Variants in NR6A1 observed in about 807,000 individuals in gnomAD.
NR6A1 encodes the protein retinoic acid receptor-related testis-associated receptor.
NR6A1 carries 7 observed loss-of-function variants against 59.1 expected under a neutral mutation model. That is an observed-to-expected ratio of 0.12 (90% CI 0.07 to 0.22). The LOEUF is 0.22. Ranked by LOEUF, NR6A1 falls within the 10% of genes least tolerant of loss-of-function variation. NR6A1 has a pLI of 1.00. For synonymous variants in NR6A1, 243 were observed against 236.1 expected, an observed-to-expected ratio of 1.03 and a Z score of -0.27; for missense variants, 468 against 611.6, an observed-to-expected ratio of 0.77 and a Z score of 2.48.
At chr9:124,664,775 T>C (rs1049103617) in intron 2 of NR6A1, among the ~76,000 whole-genome samples, 4 of 151,934 alleles carry the variant, frequency 2.6e-5, no homozygotes, top group Admixed American at 2.0e-4. Flanking sequence ...CTAATATGTA[T>C]CATGTACAGT....
intron 2 of NR6A1, among the ~76,000 whole-genome samples, chr9:124,679,712 A>C (rs1021116806): frequency 2.0e-5 from 3 of 151,944 alleles, no homozygotes; most frequent in Non-Finnish European, 2.9e-5. Context: ...CAACATGGTA[A>C]AACCCCATCT....
intron 2 of NR6A1, among the ~76,000 whole-genome samples, chr9:124,682,554 A>G (rs1289479503): frequency 6.6e-6 from 1 of 152,186 alleles, no homozygotes; most frequent in Non-Finnish European, 1.5e-5. Flanking sequence ...CTTCTCACCA[A>G]TTTTTAAAAA....
chr9:124,671,656 AAAATAT>A (rs1335490866), intron 2 of NR6A1, among the ~76,000 whole-genome samples: 4 of 152,228 alleles, frequency 2.6e-5, no homozygotes, highest in African/African-American at 7.2e-5. Context: ...AATACACAGG[AAAATAT>A]AAATATAAAG....
intron 2 of NR6A1, among the ~76,000 whole-genome samples, chr9:124,661,739 T>C (rs911484435): frequency 3.3e-5 from 5 of 152,208 alleles, no homozygotes; most frequent in African/African-American, 1.2e-4. Flanking sequence ...CCAAAGTGCG[T>C]TGTCCAATAC....
intron 2 of NR6A1, among the ~76,000 whole-genome samples, chr9:124,616,387 A>G (rs905333250): frequency 2.0e-5 from 3 of 147,716 alleles, no homozygotes; most frequent in Admixed American, 6.7e-5. Flanking sequence ...TGGGCGACAA[A>G]GCGGGACTCC....
intron 2 of NR6A1, among the ~76,000 whole-genome samples, chr9:124,579,593 TA>T (rs199894018): frequency 9.9e-4 from 147 of 148,646 alleles, no homozygotes; most frequent in African/African-American, 3.2e-3. Context: ...TGGCTAAAAT[TA>T]AAAAAAAAAT....
chr9:124,635,911 G>T (rs1172466213), intron 2 of NR6A1, among the ~76,000 whole-genome samples: 1 of 152,216 alleles, frequency 6.6e-6, no homozygotes, highest in African/African-American at 2.4e-5. Flanking sequence ...TATGGTAAGA[G>T]TATGTTTAAT....
intron 2 of NR6A1, among the ~76,000 whole-genome samples, chr9:124,721,297 TA>T (rs1454884374): frequency 1.3e-5 from 2 of 152,124 alleles, no homozygotes; most frequent in East Asian, 1.9e-4. Context: ...TAAACTCAAA[TA>T]GGGGCAGAGG....
At chr9:124,762,453 A>G (rs1840809019) in intron 1 of NR6A1, among the ~76,000 whole-genome samples, 1 of 152,182 alleles carries the variant, frequency 6.6e-6, no homozygotes, top group Non-Finnish European at 1.5e-5. Context: ...CCCATTCAGT[A>G]TATTGTGATT....
intron 4 of NR6A1, 143 bp from the exon 5 acceptor site, chr9:124,540,330 T>A: frequency 1.1e-6 from 1 of 896,496 alleles, no homozygotes; most frequent in Non-Finnish European, 1.7e-6. Flanking sequence ...GGCCTCTCAC[T>A]AATCTTAGGA....
At chr9:124,627,779 C>T (rs764812298) in intron 2 of NR6A1, among the ~76,000 whole-genome samples, 2 of 151,810 alleles carry the variant, frequency 1.3e-5, no homozygotes, top group Non-Finnish European at 2.9e-5. Flanking sequence ...TGTCATCTTA[C>T]CCAAGCTGGT....
chr9:124,525,838 T>C (rs2131320289), intron 8 of NR6A1, among the ~76,000 whole-genome samples: 1 of 152,274 alleles, frequency 6.6e-6, no homozygotes, highest in Non-Finnish European at 1.5e-5. Context: ...TCTCCCCCAA[T>C]CTGAGGCACA....
intron 2 of NR6A1, among the ~76,000 whole-genome samples, chr9:124,660,024 ATTTTTCCC>A (rs1837381249): frequency 6.6e-6 from 1 of 152,104 alleles, no homozygotes; most frequent in South Asian, 2.1e-4. Context: ...AAAAAGGAGG[ATTTTTCCC>A]TTCATGGGTT....
At chr9:124,701,188 A>G (rs1293119802) in intron 2 of NR6A1, among the ~76,000 whole-genome samples, 1 of 152,174 alleles carries the variant, frequency 6.6e-6, no homozygotes, top group African/African-American at 2.4e-5. Flanking sequence ...GATTTACATT[A>G]CCATTGTAAC....
chr9:124,596,530 T>G (rs142054820), intron 2 of NR6A1, among the ~76,000 whole-genome samples: 2 of 152,208 alleles, frequency 1.3e-5, no homozygotes, highest in African/African-American at 4.8e-5. Context: ...GAAAGGAAAC[T>G]AGGTCTGCAA....
chr9:124,552,411 T>C (rs984802608), intron 3 of NR6A1, among the ~76,000 whole-genome samples: 6 of 152,140 alleles, frequency 3.9e-5, no homozygotes, highest in African/African-American at 1.4e-4. Context: ...GTGTAAGGCA[T>C]CCCTGAGGCA....
At chr9:124,601,947 C>CA (rs981271382) in intron 2 of NR6A1, among the ~76,000 whole-genome samples, 27 of 151,518 alleles carry the variant, frequency 1.8e-4, no homozygotes, top group African/African-American at 3.9e-4. Context: ...GACCCTGTCT[C>CA]AAAAAAAAGA....
intron 1 of NR6A1, among the ~76,000 whole-genome samples, chr9:124,754,391 G>A (rs1840584170): frequency 6.6e-6 from 1 of 152,136 alleles, no homozygotes; most frequent in African/African-American, 2.4e-5. Context: ...TCATATTGAT[G>A]AGACAGTTAA....
chr9:124,624,076 C>CTTT (rs1311230493), intron 2 of NR6A1, among the ~76,000 whole-genome samples: 54 of 152,272 alleles, frequency 3.5e-4, no homozygotes, highest in African/African-American at 9.1e-4. Flanking sequence ...AAGGGCAGAG[C>CTTT]TAGAATATGA....
Sources: allele counts gnomAD v4.1 joint callset (sites outside exome capture counted in the v4.1 genomes callset), GRCh38; gene constraint gnomAD v4.1.1; transcripts MANE v1.5; gene names NCBI Gene and HGNC (gene_info 2026-07-23, HGNC 2026-07-21).